Variants in PDE7B observed in about 807,000 individuals in gnomAD.
PDE7B encodes the protein phosphodiesterase 7B, also known as 3',5'-cyclic-AMP phosphodiesterase 7B.
A neutral mutation model predicts 56.2 loss-of-function variants in PDE7B; 29 were observed. The ratio of observed to expected loss-of-function variants is 0.52; its 90% CI spans 0.38 to 0.70. The LOEUF (loss-of-function observed/expected upper bound fraction) is 0.70. PDE7B is among the 30% of genes least tolerant of loss of function. PDE7B has a pLI of 0.00. For missense variants in PDE7B, 490 were observed against 565.0 expected, an observed-to-expected ratio of 0.87 and a Z score of 1.35; for synonymous variants, 197 against 196.9, an observed-to-expected ratio of 1.00 and a Z score of 0.00.
chr6:135,868,421 G>T (rs1170522179), intron 1 of PDE7B, among the ~76,000 whole-genome samples: 1 of 151,054 alleles, frequency 6.6e-6, no homozygotes, highest in African/African-American at 2.5e-5. Flanking sequence ...ACATCAATTG[G>T]GGAGATAAAC....
At chr6:135,906,128 C>T (rs1295082318) in intron 1 of PDE7B, among the ~76,000 whole-genome samples, 3 of 152,182 alleles carry the variant, frequency 2.0e-5, no homozygotes, top group South Asian at 2.1e-4. Flanking sequence ...TAGGGAACTC[C>T]GCAGAGCAGG....
chr6:136,161,589 A>G (rs3823159), intron 8 of PDE7B, among the ~76,000 whole-genome samples: 36,426 of 152,182 alleles, frequency 0.24, 11,973 homozygotes, highest in African/African-American at 0.74. Context: ...GGTTGTCTGC[A>G]AATGAGTAGT....
chr6:136,100,536 T>C (rs180989093), intron 2 of PDE7B, among the ~76,000 whole-genome samples: 1 of 152,334 alleles, frequency 6.6e-6, no homozygotes, highest in Non-Finnish European at 1.5e-5. Context: ...TTTGTAGTAA[T>C]TGTGAATGGG....
chr6:136,149,576 G>A (rs1778477966), intron 5 of PDE7B, among the ~76,000 whole-genome samples: 1 of 152,208 alleles, frequency 6.6e-6, no homozygotes, highest in Non-Finnish European at 1.5e-5. Flanking sequence ...TGCGGGTATT[G>A]CTCAAATGTG....
intron 1 of PDE7B, among the ~76,000 whole-genome samples, chr6:135,896,943 G>A (rs1449352747): frequency 6.6e-6 from 1 of 152,026 alleles, no homozygotes; most frequent in African/African-American, 2.4e-5. Flanking sequence ...TCCTCTGCCT[G>A]AAATACCACT....
At chr6:135,946,721 C>T (rs1196912556) in intron 1 of PDE7B, among the ~76,000 whole-genome samples, 3 of 152,054 alleles carry the variant, frequency 2.0e-5, no homozygotes, top group Non-Finnish European at 4.4e-5. Context: ...ATTGCTTGCT[C>T]ATGTACTTTA....
At chr6:136,023,749 T>C (rs1474062665) in intron 2 of PDE7B, among the ~76,000 whole-genome samples, 2 of 152,126 alleles carry the variant, frequency 1.3e-5, no homozygotes, top group African/African-American at 2.4e-5. Flanking sequence ...TCTATAGCTA[T>C]AGAAATAGAT....
intron 3 of PDE7B, among the ~76,000 whole-genome samples, chr6:136,118,816 G>A (rs1777880314): frequency 6.6e-6 from 1 of 151,496 alleles, no homozygotes; most frequent in African/African-American, 2.4e-5. Flanking sequence ...TTTCCTTTTG[G>A]TATTAAATGA....
At chr6:135,954,065 G>T (rs2128200414) in intron 2 of PDE7B, among the ~76,000 whole-genome samples, 1 of 152,252 alleles carries the variant, frequency 6.6e-6, no homozygotes, top group East Asian at 1.9e-4. Flanking sequence ...GAGGATGGTG[G>T]AAGCATCATT....
At chr6:135,926,451 G>A (rs1347573427) in intron 1 of PDE7B, among the ~76,000 whole-genome samples, 3 of 151,852 alleles carry the variant, frequency 2.0e-5, no homozygotes, top group Non-Finnish European at 2.9e-5. Context: ...TATGATTAGA[G>A]GACAAAGGGT....
At chr6:136,182,295 T>A (rs527740365) in intron 11 of PDE7B, among the ~76,000 whole-genome samples, 2 of 152,308 alleles carry the variant, frequency 1.3e-5, no homozygotes, top group South Asian at 4.1e-4. Flanking sequence ...TACAATTCTG[T>A]ATATAATTTC....
intron 9 of PDE7B, among the ~76,000 whole-genome samples, chr6:136,176,232 A>G (rs969825898): frequency 6.6e-6 from 1 of 151,996 alleles, no homozygotes; most frequent in African/African-American, 2.4e-5. Flanking sequence ...TTGCCTTTTG[A>G]TTCATGAAAC....
At chr6:135,964,172 C>T (rs560427288) in intron 2 of PDE7B, among the ~76,000 whole-genome samples, 95 of 151,864 alleles carry the variant, frequency 6.3e-4, no homozygotes, top group African/African-American at 2.2e-3. Flanking sequence ...GGTGCAATCT[C>T]GGCTCATTGC....
At chr6:136,134,469 C>T (rs1303029087) in intron 3 of PDE7B, among the ~76,000 whole-genome samples, 1 of 151,998 alleles carries the variant, frequency 6.6e-6, no homozygotes, top group African/African-American at 2.4e-5. Context: ...CTCTGAGAAG[C>T]GGAGGGTTCA....
chr6:136,026,964 T>G (rs1456764564), intron 2 of PDE7B, among the ~76,000 whole-genome samples: 1 of 152,194 alleles, frequency 6.6e-6, no homozygotes, highest in African/African-American at 2.4e-5. Flanking sequence ...CTATGGGAAG[T>G]AATATGGATA....
intron 2 of PDE7B, among the ~76,000 whole-genome samples, chr6:135,995,867 A>G (rs1775555943): frequency 6.6e-6 from 1 of 152,060 alleles, no homozygotes; most frequent in South Asian, 2.1e-4. Flanking sequence ...CATAAACATA[A>G]AGAGGTTTTT....
intron 1 of PDE7B, among the ~76,000 whole-genome samples, chr6:135,891,404 A>G (rs1775808035): frequency 1.3e-5 from 2 of 152,204 alleles, no homozygotes; most frequent in Non-Finnish European, 2.9e-5. Context: ...AAATGGCAAG[A>G]TAGTTTCATC....
intron 1 of PDE7B, among the ~76,000 whole-genome samples, chr6:135,887,935 T>C (rs1480176075): frequency 2.0e-5 from 3 of 152,154 alleles, no homozygotes; most frequent in African/African-American, 7.2e-5. Context: ...TTTGACAGTT[T>C]ACTCCCTACT....
intron 2 of PDE7B, among the ~76,000 whole-genome samples, chr6:136,036,266 C>A (rs1776324663): frequency 6.6e-6 from 1 of 152,160 alleles, no homozygotes; most frequent in African/African-American, 2.4e-5. Flanking sequence ...AAGGGCACAT[C>A]TTTCTAATCA....
Sources: allele counts gnomAD v4.1 joint callset (sites outside exome capture counted in the v4.1 genomes callset), GRCh38; gene constraint gnomAD v4.1.1; transcripts MANE v1.5; gene names NCBI Gene and HGNC (gene_info 2026-07-23, HGNC 2026-07-21).